RAB37: variants seen among roughly 807,000 people sequenced by gnomAD.
The protein encoded by RAB37 is ras-related protein Rab-37.
In RAB37, 29 loss-of-function variants were observed where a neutral mutation model predicts 33.1. The ratio of observed to expected loss-of-function variants is 0.88; its 90% CI spans 0.65 to 1.20. The LOEUF (loss-of-function observed/expected upper bound fraction) is 1.20, where lower values mean the gene tolerates loss of function less well. RAB37 is among the 50% of genes most tolerant of loss of function. The pLI is 0.00. For missense variants in RAB37, 299 were observed against 301.1 expected (o/e 0.99, Z 0.05); for synonymous variants, 128 against 119.5 (o/e 1.07, Z -0.47).
intron 1 of RAB37, among the ~76,000 whole-genome samples, chr17:74,701,033 G>A (rs568337611): frequency 6.6e-6 from 1 of 152,302 alleles, no homozygotes; most frequent in African/African-American, 2.4e-5. Flanking sequence ...TACAAGCTGA[G>A]AAGACTCAGA....
chr17:74,732,676 G>GTGTGA (rs2034403690), upstream of RAB37, among the ~76,000 whole-genome samples: 3 of 91,872 alleles, frequency 3.3e-5, no homozygotes, highest in South Asian at 3.3e-4. Flanking sequence ...TGTGTATGTG[G>GTGTGA]CGTGAGATGT....
intron 1 of RAB37, among the ~76,000 whole-genome samples, chr17:74,714,806 G>A (rs972800778): frequency 2.6e-5 from 4 of 152,132 alleles, no homozygotes; most frequent in Non-Finnish European, 4.4e-5. Flanking sequence ...CAAGTCCCTA[G>A]GGTCGGGACT....
At position 74,678,259 on chromosome 17, in the gene RAB37, G is replaced by T. The variant is rs547786858; in HGVS notation, c.72+6601G>T. Among the ~76,000 whole-genome samples the T allele has an allele frequency of 3.4e-4, 51 of 152,228 alleles. No individual in the cohort carries two copies. In the South Asian group the frequency reaches 0.01, roughly 31 times the overall value. ...ATCCTCCTATCTCTTAACCAGAGGA[G>T]GTTTTCTGGGGCCAAGAGAGACAGC... On this transcript the variant is annotated intron_variant, in intron 1 of 7. Transcript: ENST00000340415.
Position 74,744,501 on chromosome 17 carries a change from G to T in RAB37, c.432+128G>T. ...GGACTCTGCAGCCTCCAGCTCAGGGGTCAGACATATCTGGAGGCTTCTGCC... is the reference window on the plus strand; with the variant it reads ...GGACTCTGCAGCCTCCAGCTCAGGGTTCAGACATATCTGGAGGCTTCTGCC... On this transcript the variant is annotated intron_variant, in intron 6 of 8. Coordinates refer to ENST00000392613, the MANE Select transcript of RAB37 (RefSeq NM_001006638.3). This position sits in a 1 kb window ranked among gnomAD's most constrained non-coding sequence, Gnocchi z 4.2. The T allele has an allele frequency of 1.1e-6, 1 of 874,016 alleles. No homozygotes were observed. The highest frequency in any genetic ancestry group is 1.4e-5 in the South Asian group (1 of 69,632). 54.1% of individuals were successfully genotyped at this position (874,016 alleles called of 1,614,324 possible). A position where few individuals can be genotyped will look rare whatever the true frequency, so the allele number is the denominator to read the frequency against.
At position 74,676,656 on chromosome 17, in the gene RAB37, A is replaced by G. The variant is rs2031839855; in HGVS notation, c.72+4998A>G. Among the ~76,000 whole-genome samples, 1 of 152,226 alleles carries G rather than the reference A, an allele frequency of 6.6e-6. No homozygotes were observed. Among genetic ancestry groups the G allele is most frequent in the South Asian group, 2.1e-4 (1 of 4,830 alleles). On this transcript the variant is annotated intron_variant, in intron 1 of 7. Coordinates refer to the RAB37 transcript ENST00000340415. The surrounding 1 kb of genome is among the most constrained non-coding windows in gnomAD (Gnocchi z 4.1). ...CAAAGCGTAAAGAACTAGGCTGGTC[A>G]TTGTCGAGAATATAGACGCAAATGA...
At chr17:74,674,817 GC>G (rs2031788062) in intron 1 of RAB37, among the ~76,000 whole-genome samples, 1 of 152,082 alleles carries the variant, frequency 6.6e-6, no homozygotes, top group Non-Finnish European at 1.5e-5. Context: ...TTCCCAAGAG[GC>G]CCCCTCCCAC....
chr17:74,719,877 T>G (rs1272270676), intron 1 of RAB37, among the ~76,000 whole-genome samples: 2 of 152,240 alleles, frequency 1.3e-5, no homozygotes, highest in East Asian at 3.9e-4. Context: ...AAAGTAAAAG[T>G]CTTATCTCCA....
intron 1 of RAB37, among the ~76,000 whole-genome samples, chr17:74,673,697 ATTCCAACAAG>A (rs1383888550): frequency 6.6e-6 from 1 of 152,110 alleles, no homozygotes; most frequent in Non-Finnish European, 1.5e-5. Flanking sequence ...GTGGGAACCC[ATTCCAACAAG>A]TTCCAACATA....
intron 1 of RAB37, chr17:74,695,592 G>T (rs1475297954): frequency 6.8e-6 from 9 of 1,314,904 alleles, no homozygotes; most frequent in African/African-American, 2.9e-5. Flanking sequence ...GTCCTGCAGT[G>T]ACTATGGCTT....
chr17:74,671,399 G>T lies in RAB37; in HGVS notation c.-188G>T, dbSNP rs184013364. 7 of 596,034 alleles carry T rather than the reference G, an allele frequency of 1.2e-5. No homozygotes were observed. The East Asian group carries it at 2.0e-4, about 17-fold the overall frequency. The allele number at this position is 596,034 out of a possible 1,614,324, so 36.9% of individuals were successfully genotyped here. ...CTGAAACGCTCAGTCCTGGAAGAAC[G>T]TGGCCGCCTGCCCGCCTGGTACCGC... On this transcript the variant is annotated 5_prime_UTR_variant, in exon 1 of 8. Transcript: ENST00000340415. This position sits in a 1 kb window ranked among gnomAD's most constrained non-coding sequence, Gnocchi z 5.0.
chr17:74,686,064 C>T (rs1307051840), intron 1 of RAB37, among the ~76,000 whole-genome samples: 1 of 152,102 alleles, frequency 6.6e-6, no homozygotes, highest in Non-Finnish European at 1.5e-5. Context: ...TCTATCTCCA[C>T]GTTCTCTCCC....
intron 1 of RAB37, among the ~76,000 whole-genome samples, chr17:74,710,405 A>G (rs1161255625): frequency 1.3e-5 from 2 of 152,260 alleles, no homozygotes; most frequent in African/African-American, 4.8e-5. Flanking sequence ...AATTTAATAG[A>G]GTGGCTAAAT....
Position 74,745,720 on chromosome 17 carries a change from G to C in RAB37, c.*309G>C, listed in dbSNP as rs1282299711. ...CCCTTTTGCTTTCTAGGACTTGGGG[G>C]GCCGGCCCTCCCTCCTAAGCATAAC... On this transcript the variant is annotated 3_prime_UTR_variant, in exon 9 of 9. Coordinates refer to ENST00000392613, the MANE Select transcript of RAB37 (RefSeq NM_001006638.3). The surrounding 1 kb of genome is among the most constrained non-coding windows in gnomAD (Gnocchi z 4.5). The C allele has an allele frequency of 2.0e-5, 6 of 304,368 alleles. No individual in the cohort carries two copies. Among genetic ancestry groups the C allele is most frequent in the Non-Finnish European group, 1.9e-5 (3 of 162,108 alleles). The allele number at this position is 304,368 out of a possible 1,614,324, so 18.9% of individuals were successfully genotyped here.
At chr17:74,698,626 G>A (rs1245992737) in intron 1 of RAB37, 3 of 1,480,502 alleles carry the variant, frequency 2.0e-6, no homozygotes, top group Non-Finnish European at 2.7e-6. Flanking sequence ...TCACTCCTGG[G>A]GATCCTCAAA....
At chr17:74,680,953 T>G (rs1327959174) in intron 1 of RAB37, among the ~76,000 whole-genome samples, 1 of 152,214 alleles carries the variant, frequency 6.6e-6, no homozygotes. Context: ...CCACCACCCC[T>G]GTTCACATGC....
chr17:74,694,404 G>T (rs1370997537), intron 1 of RAB37: 4 of 152,184 alleles, frequency 2.6e-5, no homozygotes, highest in Admixed American at 2.0e-4. Context: ...TCAAGGCGTG[G>T]GCAGGGCTGG....
At chr17:74,715,471 G>A (rs2143994993) in intron 1 of RAB37, among the ~76,000 whole-genome samples, 1 of 152,322 alleles carries the variant, frequency 6.6e-6, no homozygotes, top group African/African-American at 2.4e-5. Context: ...CTCTGCCCAG[G>A]GCACCATGCA....
chr17:74,704,437 C>T lies in RAB37; in HGVS notation c.73-24819C>T, dbSNP rs557758209. 6 of 1,382,116 alleles carry T rather than the reference C, an allele frequency of 4.3e-6. No individual in the cohort carries two copies. The Admixed American group carries it at 8.8e-5, about 20-fold the overall frequency. 85.6% of individuals were successfully genotyped at this position (1,382,116 alleles called of 1,614,324 possible). Reference sequence around the variant, plus strand: ...TAGGACCTCAGAGACCAGGACAGAGCAGGCCCTGAGAGACACACACATATA... The same window carrying T: ...TAGGACCTCAGAGACCAGGACAGAGTAGGCCCTGAGAGACACACACATATA... On this transcript the variant is annotated intron_variant, in intron 1 of 7. Transcript: ENST00000340415.
chr17:74,737,383 G>A lies in RAB37; in HGVS notation c.93+18G>A. 1.3e-6 allele frequency: 2 copies of A among 1,547,384 alleles called. No individual in the cohort carries two copies. Among genetic ancestry groups the A allele is most frequent in the Non-Finnish European group, 1.7e-6 (2 of 1,151,816 alleles). On this transcript the variant is annotated intron_variant, in intron 1 of 8. Coordinates refer to ENST00000392613, the MANE Select transcript of RAB37 (RefSeq NM_001006638.3). ...CGGGCAAGGTGGGTGGGCCTCTTCCGTGAGACCCCCGCCCTCCTCGGCGCT... is the reference window on the plus strand; with the variant it reads ...CGGGCAAGGTGGGTGGGCCTCTTCCATGAGACCCCCGCCCTCCTCGGCGCT...
Sources: allele counts gnomAD v4.1 joint callset (sites outside exome capture counted in the v4.1 genomes callset), GRCh38; gene constraint gnomAD v4.1.1; non-coding constraint Gnocchi (gnomAD v3.1); transcripts MANE v1.5; gene names NCBI Gene and HGNC (gene_info 2026-07-23, HGNC 2026-07-21).